The following TENM2 variants were observed in gnomAD, a reference collection of about 807,000 sequenced individuals.
TENM2 encodes teneurin transmembrane protein 2.
A neutral mutation model predicts 245.2 loss-of-function variants in TENM2; 52 were observed. The observed-to-expected ratio is 0.21, with a 90% CI of 0.17 to 0.27. The LOEUF is 0.27. Among genes scored for constraint, TENM2 ranks in the 10% least tolerant of loss-of-function variants. TENM2 has a pLI of 1.00. For synonymous variants in TENM2, 1,363 were observed against 1,438.9 expected, an observed-to-expected ratio of 0.95 and a Z score of 1.19; for missense variants, 3,046 against 3,666.8, an observed-to-expected ratio of 0.83 and a Z score of 4.37.
chr5:167,762,529 A>G (rs1561752059), intron 2 of TENM2, among the ~76,000 whole-genome samples: 1 of 152,158 alleles, frequency 6.6e-6, no homozygotes, highest in Non-Finnish European at 1.5e-5. Flanking sequence ...TCCAGTCTGC[A>G]GTGCTCTGGT....
the TENM2 span, among the ~76,000 whole-genome samples, chr5:167,085,943 T>C: frequency 2.0e-5 from 3 of 152,300 alleles, no homozygotes; most frequent in East Asian, 5.8e-4. Context: ...TATGAGAATT[T>C]CAGGAATATG....
chr5:167,696,053 A>C (rs1243578875), intron 2 of TENM2, among the ~76,000 whole-genome samples: 2 of 152,036 alleles, frequency 1.3e-5, no homozygotes, highest in Non-Finnish European at 2.9e-5. Flanking sequence ...AAAAAACAAA[A>C]AAAAAACAAC....
the TENM2 span, among the ~76,000 whole-genome samples, chr5:167,142,855 C>T: frequency 3.9e-5 from 6 of 152,110 alleles, no homozygotes; most frequent in Non-Finnish European, 5.9e-5. Flanking sequence ...CAGCCTTATT[C>T]ATATTTTTAA....
chr5:168,260,239 T>A (rs778954261), intron 27 of TENM2, 44 bp from the exon 30 acceptor site: 2 of 1,609,910 alleles, frequency 1.2e-6, no homozygotes, highest in Non-Finnish European at 8.5e-7. Flanking sequence ...CTGCTCTCCA[T>A]CCATCATGAT....
chr5:167,741,843 A>G (rs541011872), intron 2 of TENM2, among the ~76,000 whole-genome samples: 2 of 152,162 alleles, frequency 1.3e-5, no homozygotes, highest in African/African-American at 4.8e-5. Flanking sequence ...ATCAACCCTC[A>G]TGCATTCGGC....
intron 5 of TENM2, among the ~76,000 whole-genome samples, chr5:168,034,226 C>A (rs1436783264): frequency 6.8e-6 from 1 of 148,028 alleles, no homozygotes; most frequent in Non-Finnish European, 1.5e-5. Flanking sequence ...GCCTGTAATA[C>A]CAGCTACTTG....
intron 23 of TENM2, among the ~76,000 whole-genome samples, chr5:168,219,461 C>T (rs1406772696): frequency 1.3e-5 from 2 of 152,162 alleles, no homozygotes; most frequent in African/African-American, 4.8e-5. Context: ...CAGATCGATA[C>T]AGATAAAGCA....
chr5:167,902,992 G>T (rs1332689878), intron 3 of TENM2, among the ~76,000 whole-genome samples: 1 of 152,178 alleles, frequency 6.6e-6, no homozygotes, highest in African/African-American at 2.4e-5. Flanking sequence ...TACCATAAAT[G>T]ATAAGTATTT....
the TENM2 span, among the ~76,000 whole-genome samples, chr5:167,151,449 G>A: frequency 2.0e-5 from 3 of 152,164 alleles, no homozygotes; most frequent in South Asian, 2.1e-4. Flanking sequence ...TAATGACTAC[G>A]TTACAACTAC....
intron 2 of TENM2, among the ~76,000 whole-genome samples, chr5:167,577,396 T>A (rs943547728): frequency 6.6e-6 from 1 of 152,182 alleles, no homozygotes; most frequent in Non-Finnish European, 1.5e-5. Context: ...CACCTCTTTG[T>A]CAGTTTTCCT....
intron 4 of TENM2, among the ~76,000 whole-genome samples, chr5:167,974,030 AG>A (rs1163878508): frequency 1.5e-5 from 1 of 67,172 alleles, no homozygotes; most frequent in African/African-American, 1.1e-4. Flanking sequence ...GGAGGAAGGA[AG>A]GAAGGAGAAG....
intron 15 of TENM2, among the ~76,000 whole-genome samples, chr5:168,197,033 A>G (rs1392333214): frequency 6.6e-6 from 1 of 152,192 alleles, no homozygotes; most frequent in Non-Finnish European, 1.5e-5. Flanking sequence ...AATCTGTTGC[A>G]TAGTGGCGTG....
the TENM2 span, among the ~76,000 whole-genome samples, chr5:167,225,718 TG>T: frequency 6.6e-6 from 1 of 152,048 alleles, no homozygotes; most frequent in African/African-American, 2.4e-5. Flanking sequence ...TAAATTTTTT[TG>T]AATAGTTTGA....
intron 2 of TENM2, among the ~76,000 whole-genome samples, chr5:167,724,919 A>G (rs1261089171): frequency 1.3e-5 from 2 of 152,202 alleles, no homozygotes; most frequent in Non-Finnish European, 2.9e-5. Context: ...CTCTGCAAAA[A>G]GTTTCTGGCA....
chr5:167,974,526 A>C (rs1344673495), intron 4 of TENM2, among the ~76,000 whole-genome samples: 3 of 152,218 alleles, frequency 2.0e-5, no homozygotes, highest in African/African-American at 7.2e-5. Context: ...ATTGATAATT[A>C]TCTGCATAAC....
chr5:168,126,395 C>A (rs1329689667), intron 11 of TENM2, among the ~76,000 whole-genome samples: 1 of 152,128 alleles, frequency 6.6e-6, no homozygotes, highest in Non-Finnish European at 1.5e-5. Flanking sequence ...GAGTGGTTCT[C>A]ACATTCTAGC....
the TENM2 span, among the ~76,000 whole-genome samples, chr5:167,267,073 A>G: frequency 2.0e-5 from 3 of 152,134 alleles, no homozygotes; most frequent in African/African-American, 7.2e-5. Context: ...CTAAAGTTGT[A>G]TTTGAGTCAC....
intron 2 of TENM2, among the ~76,000 whole-genome samples, chr5:167,504,983 G>A (rs939297332): frequency 6.6e-6 from 1 of 152,034 alleles, no homozygotes; most frequent in Non-Finnish European, 1.5e-5. Flanking sequence ...AAAGGAAGTG[G>A]TGGTTTCCCT....
chr5:167,068,795 G>A, the TENM2 span, among the ~76,000 whole-genome samples: 16 of 152,248 alleles, frequency 1.1e-4, 1 homozygote, highest in East Asian at 3.1e-3. Flanking sequence ...ATAATTTTCT[G>A]TGTTATAAAA....
Sources: gnomAD v4.1 joint callset for allele counts (sites outside exome capture counted in the v4.1 genomes callset) on GRCh38, gnomAD v4.1.1 for gene constraint, MANE v1.5 for transcripts, NCBI Gene and HGNC (gene_info 2026-07-23, HGNC 2026-07-21) for gene names.